The following NAALADL2 variants were observed in gnomAD, a reference collection of about 807,000 sequenced individuals.
The protein encoded by NAALADL2 is inactive N-acetylated-alpha-linked acidic dipeptidase-like protein 2.
In NAALADL2, 76 loss-of-function variants were observed where a neutral mutation model predicts 87.2. The ratio of observed to expected loss-of-function variants is 0.87; its 90% CI spans 0.72 to 1.05. The LOEUF (loss-of-function observed/expected upper bound fraction) is 1.05, where lower values mean the gene tolerates loss of function less well. Among genes scored for constraint, NAALADL2 ranks in the 50% least tolerant of loss-of-function variants. NAALADL2 has a pLI of 0.00. For missense variants in NAALADL2, 1,089 were observed against 945.8 expected (o/e 1.15, Z -1.99); for synonymous variants, 354 against 331.0 (o/e 1.07, Z -0.75).
intron 2 of NAALADL2, among the ~76,000 whole-genome samples, chr3:175,151,762 A>G (rs1413849905): frequency 6.6e-6 from 1 of 152,234 alleles, no homozygotes; most frequent in East Asian, 1.9e-4. Context: ...AACTTTTTAA[A>G]TGAATGAAAT....
At chr3:174,851,537 G>A (rs965204528) in intron 3 of NAALADL2, among the ~76,000 whole-genome samples, 1 of 151,834 alleles carries the variant, frequency 6.6e-6, no homozygotes, top group Non-Finnish European at 1.5e-5. Context: ...TAAATTCCTA[G>A]ACATGTCCAA....
intron 3 of NAALADL2, among the ~76,000 whole-genome samples, chr3:174,786,926 G>A (rs1295679139): frequency 6.6e-6 from 1 of 151,934 alleles, no homozygotes; most frequent in Non-Finnish European, 1.5e-5. Context: ...CATCTGGCTA[G>A]CCATGTCATG....
intron 1 of NAALADL2, among the ~76,000 whole-genome samples, chr3:174,443,822 A>G (rs973792667): frequency 6.6e-6 from 1 of 151,870 alleles, no homozygotes; most frequent in Non-Finnish European, 1.5e-5. Context: ...AAGTGTTTCA[A>G]GAAGTAGAGG....
intron 1 of NAALADL2, among the ~76,000 whole-genome samples, chr3:174,965,515 T>C (rs1039467875): frequency 6.6e-6 from 1 of 152,100 alleles, no homozygotes. Flanking sequence ...TTCAAATATA[T>C]GCAAGTATTG....
At chr3:174,572,168 G>C (rs138307211) in intron 2 of NAALADL2, among the ~76,000 whole-genome samples, 1 of 151,930 alleles carries the variant, frequency 6.6e-6, no homozygotes, top group African/African-American at 2.4e-5. Context: ...CTGCTCTGCT[G>C]TCCAGGCTGG....
intron 1 of NAALADL2, among the ~76,000 whole-genome samples, chr3:174,893,652 TG>T (rs1163512683): frequency 6.6e-6 from 1 of 152,180 alleles, no homozygotes; most frequent in Non-Finnish European, 1.5e-5. Context: ...GTTAAAATAA[TG>T]GGTTATAAAA....
chr3:174,508,355 C>T (rs1158254715), intron 1 of NAALADL2, among the ~76,000 whole-genome samples: 2 of 152,002 alleles, frequency 1.3e-5, no homozygotes, highest in Admixed American at 6.6e-5. Flanking sequence ...CCTTGTGATC[C>T]GCCCGTCTCG....
intron 11 of NAALADL2, among the ~76,000 whole-genome samples, chr3:175,697,251 AG>A (rs1737930763): frequency 6.6e-6 from 1 of 152,204 alleles, no homozygotes; most frequent in African/African-American, 2.4e-5. Context: ...TAGGAGCAGT[AG>A]AATACTAATA....
At chr3:174,768,584 A>G (rs1252061563) in intron 3 of NAALADL2, among the ~76,000 whole-genome samples, 6 of 152,210 alleles carry the variant, frequency 3.9e-5, no homozygotes, top group Non-Finnish European at 8.8e-5. Flanking sequence ...TACATTTAGT[A>G]GTTTTAAAAA....
At chr3:174,507,052 G>A (rs2108380899) in intron 1 of NAALADL2, among the ~76,000 whole-genome samples, 1 of 151,862 alleles carries the variant, frequency 6.6e-6, no homozygotes. Context: ...TCTGGCTGTG[G>A]AGCTATGCTT....
chr3:175,419,346 C>T (rs1715248059), intron 5 of NAALADL2, among the ~76,000 whole-genome samples: 1 of 151,292 alleles, frequency 6.6e-6, no homozygotes, highest in South Asian at 2.1e-4. Flanking sequence ...TTATATTTCT[C>T]AAAATAATTT....
chr3:174,806,143 G>T (rs1480022381), intron 3 of NAALADL2, among the ~76,000 whole-genome samples: 1 of 152,126 alleles, frequency 6.6e-6, no homozygotes, highest in African/African-American at 2.4e-5. Context: ...CCCTGGTTGG[G>T]CTTCTCCCAA....
intron 1 of NAALADL2, among the ~76,000 whole-genome samples, chr3:174,500,364 T>C (rs1312974639): frequency 6.6e-6 from 1 of 152,154 alleles, no homozygotes; most frequent in Non-Finnish European, 1.5e-5. Flanking sequence ...ATGTCCTATA[T>C]GATCATTTAT....
At chr3:175,038,901 T>C (rs1273685698) in intron 1 of NAALADL2, among the ~76,000 whole-genome samples, 2 of 152,012 alleles carry the variant, frequency 1.3e-5, no homozygotes. Flanking sequence ...GAGGTATAAA[T>C]TGGTACTGTC....
chr3:174,657,037 T>C (rs375625750), intron 2 of NAALADL2, among the ~76,000 whole-genome samples: 9 of 142,396 alleles, frequency 6.3e-5, no homozygotes, highest in African/African-American at 2.3e-4. Context: ...TTCTTTTCCT[T>C]CTTCTTTTTT....
chr3:174,502,750 G>T (rs1432153843), intron 1 of NAALADL2, among the ~76,000 whole-genome samples: 3 of 152,038 alleles, frequency 2.0e-5, no homozygotes, highest in African/African-American at 7.2e-5. Flanking sequence ...AAATAATCTT[G>T]CCAGGCACAG....
chr3:175,112,910 A>G (rs897103220), intron 2 of NAALADL2, among the ~76,000 whole-genome samples: 3 of 151,638 alleles, frequency 2.0e-5, no homozygotes, highest in Admixed American at 1.3e-4. Flanking sequence ...GAAGGCTATG[A>G]ATGCTTTAGA....
intron 5 of NAALADL2, among the ~76,000 whole-genome samples, chr3:175,418,363 T>C (rs1715042332): frequency 1.3e-5 from 2 of 152,126 alleles, no homozygotes; most frequent in Admixed American, 1.3e-4. Flanking sequence ...AGTTTTCCAC[T>C]TTTGTAAGGT....
intron 2 of NAALADL2, among the ~76,000 whole-genome samples, chr3:175,117,060 C>G (rs9849531): frequency 1.3e-5 from 2 of 151,692 alleles, no homozygotes; most frequent in African/African-American, 2.4e-5. Flanking sequence ...GCTAGCCATA[C>G]GTAGAAAGCT....
Sources: gnomAD v4.1 joint callset for allele counts (sites outside exome capture counted in the v4.1 genomes callset) on GRCh38, gnomAD v4.1.1 for gene constraint, MANE v1.5 for transcripts, NCBI Gene and HGNC (gene_info 2026-07-23, HGNC 2026-07-21) for gene names.